The following SDK2 variants were observed in gnomAD, a reference collection of about 807,000 sequenced individuals.
The protein encoded by SDK2 is sidekick cell adhesion molecule 2, also known as protein sidekick-2.
A neutral mutation model predicts 253.9 loss-of-function variants in SDK2; 105 were observed. That is an observed-to-expected ratio of 0.41 (90% CI 0.35 to 0.49). SDK2 has a LOEUF of 0.49. SDK2 is among the 20% of genes least tolerant of loss of function. SDK2 has a pLI of 0.06. For missense variants in SDK2, 2,608 were observed against 3,003.0 expected, an observed-to-expected ratio of 0.87 and a Z score of 3.07; for synonymous variants, 1,249 against 1,234.9, an observed-to-expected ratio of 1.01 and a Z score of -0.24.
intron 36 of SDK2, among the ~76,000 whole-genome samples, chr17:73,376,688 G>A (rs897435112): frequency 2.6e-5 from 4 of 152,114 alleles, no homozygotes; most frequent in Admixed American, 2.6e-4. Context: ...CCACTTACAA[G>A]CCTCGACAGT....
intron 1 of SDK2, among the ~76,000 whole-genome samples, chr17:73,567,913 C>G (rs541980334): frequency 4.4e-4 from 67 of 152,320 alleles, no homozygotes; most frequent in African/African-American, 1.4e-3. Context: ...TGCCTTGAGT[C>G]TCAAATGAGA....
chr17:73,349,400 G>A (rs1335757713), intron 43 of SDK2, among the ~76,000 whole-genome samples: 5 of 152,200 alleles, frequency 3.3e-5, no homozygotes, highest in Admixed American at 6.5e-5. Context: ...CCTGACTGCC[G>A]CCTCCAATGA....
intron 39 of SDK2, 51 bp from the exon 40 acceptor site, chr17:73,358,255 C>T: frequency 1.3e-6 from 2 of 1,548,158 alleles, no homozygotes; most frequent in South Asian, 1.2e-5. Context: ...GAACAGCCAC[C>T]CAGCCCGTCA....
chr17:73,507,359 C>T (rs1159117123), intron 2 of SDK2, 79 bp downstream of exon 2: 2 of 1,427,980 alleles, frequency 1.4e-6, no homozygotes, highest in East Asian at 2.5e-5. Flanking sequence ...GTCACACAAA[C>T]CCCCTCCTCA....
intron 4 of SDK2, among the ~76,000 whole-genome samples, chr17:73,453,052 T>C (rs938997487): frequency 6.6e-6 from 1 of 152,230 alleles, no homozygotes; most frequent in Non-Finnish European, 1.5e-5. Context: ...TTCACCCTGC[T>C]CTGTATCCAC....
chr17:73,369,713 C>A (rs887308169), intron 36 of SDK2, among the ~76,000 whole-genome samples: 50 of 152,222 alleles, frequency 3.3e-4, no homozygotes, highest in African/African-American at 1.1e-3. Flanking sequence ...GGCTGGAGTG[C>A]TGTGGTGCGA....
intron 21 of SDK2, 142 bp downstream of exon 21, chr17:73,400,878 C>A (rs558116800): frequency 1.7e-5 from 13 of 768,328 alleles, no homozygotes; most frequent in South Asian, 1.3e-4. Context: ...GAACTCCTGA[C>A]CTCAAGTGAT....
intron 1 of SDK2, chr17:73,518,692 T>C (rs1166182937): frequency 6.6e-6 from 1 of 152,184 alleles, no homozygotes; most frequent in East Asian, 1.9e-4. Context: ...GGCCTAACGG[T>C]GCTAGTATCA....
intron 21 of SDK2, 96 bp downstream of exon 21, chr17:73,400,924 A>G (rs2063018853): frequency 8.2e-7 from 1 of 1,222,672 alleles, no homozygotes; most frequent in East Asian, 2.6e-5. Context: ...CTGGGACTAC[A>G]GGCATGAGCC....
rs1350836896 is a variant in SDK2, at chr17:73,431,284, A to C, written c.1480+218T>G. On this transcript the variant is annotated intron_variant, in intron 11 of 44. Coordinates refer to ENST00000392650, the MANE Select transcript of SDK2 (RefSeq NM_001144952.2). The surrounding 1 kb of genome is among the most constrained non-coding windows in gnomAD (Gnocchi z 5.6). Reference sequence around the variant, plus strand: ...ACTTCAATGTTCTCTCAAGTCGGCCAAGCATAGCATCACCGGCAGAATCTT... The same window carrying C: ...ACTTCAATGTTCTCTCAAGTCGGCCCAGCATAGCATCACCGGCAGAATCTT... 6.6e-6 allele frequency among the ~76,000 whole-genome samples: 1 copy of C among 152,196 alleles called. No individual in the cohort carries two copies. The highest frequency in any genetic ancestry group is 2.4e-5 in the African/African-American group (1 of 41,454).
chr17:73,379,593 T>G lies in SDK2; in HGVS notation c.4763-44A>C. Reference sequence around the variant, plus strand: ...GAGGGGAAGCACACTGAGGTCACCGTCATTGCTGGGAAGGTGTCCCCAGGG... The same window carrying G: ...GAGGGGAAGCACACTGAGGTCACCGGCATTGCTGGGAAGGTGTCCCCAGGG... On this transcript the variant is annotated intron_variant, in intron 34 of 44. Transcript: ENST00000392650. This position sits in a 1 kb window ranked among gnomAD's most constrained non-coding sequence, Gnocchi z 4.5. 8.0e-7 allele frequency: 1 copy of G among 1,252,768 alleles called. No homozygotes were observed. Among genetic ancestry groups the G allele is most frequent in the Non-Finnish European group, 1.1e-6 (1 of 871,364 alleles). 77.6% of individuals were successfully genotyped at this position (1,252,768 alleles called of 1,614,324 possible). A position where few individuals can be genotyped will look rare whatever the true frequency, so the allele number is the denominator to read the frequency against.
intron 14 of SDK2, 139 bp from the exon 15 acceptor site, chr17:73,422,573 G>T: frequency 1.1e-6 from 1 of 945,948 alleles, no homozygotes. Context: ...GGAGTGGCCC[G>T]CCATGCCATT....
At chr17:73,595,059 CTG>C (rs2045736096) in intron 1 of SDK2, among the ~76,000 whole-genome samples, 12 of 152,314 alleles carry the variant, frequency 7.9e-5, no homozygotes, top group East Asian at 7.7e-4. Flanking sequence ...AGACTTCGGC[CTG>C]TTTCTGTTGT....
intron 1 of SDK2, among the ~76,000 whole-genome samples, chr17:73,581,052 G>GT (rs55920887): frequency 0.16 from 23,816 of 148,850 alleles, 2,007 homozygotes; most frequent in East Asian, 0.32. Flanking sequence ...GTATTTTTTG[G>GT]TTTTTTTTTT....
Position 73,379,583 on chromosome 17 carries a change from G to C in SDK2, c.4763-34C>G. 1 of 1,343,948 alleles carries C rather than the reference G, an allele frequency of 7.4e-7. No homozygotes were observed. The highest frequency in any genetic ancestry group is 1.1e-6 in the Non-Finnish European group (1 of 947,324). The allele number at this position is 1,343,948 out of a possible 1,614,324, so 83.3% of individuals were successfully genotyped here. A position where few individuals can be genotyped will look rare whatever the true frequency, so the allele number is the denominator to read the frequency against. ...GAGAGTGGGGGAGGGGAAGCACACT[G>C]AGGTCACCGTCATTGCTGGGAAGGT... On this transcript the variant is annotated intron_variant, in intron 34 of 44. Transcript: ENST00000392650. The surrounding 1 kb of genome is among the most constrained non-coding windows in gnomAD (Gnocchi z 4.5).
At chr17:73,608,898 G>A (rs2045940261) in intron 1 of SDK2, among the ~76,000 whole-genome samples, 1 of 152,202 alleles carries the variant, frequency 6.6e-6, no homozygotes, top group Non-Finnish European at 1.5e-5. Context: ...AAAGATGATG[G>A]TGGCTGGCAC....
intron 40 of SDK2, chr17:73,357,355 G>C (rs1391302813): frequency 2.6e-5 from 4 of 153,432 alleles, no homozygotes; most frequent in Admixed American, 6.5e-5. Context: ...ATTTGGGCTA[G>C]AGCAACAAAA....
At position 73,387,987 on chromosome 17, in the gene SDK2, C is replaced by T. The variant is rs1162699017; in HGVS notation, c.4243G>A (p.Ala1415Thr). ...TCCCAGGACAGCAGCACGCTGCGTG[C>T]TCTCACATCCTCCTGCTGCACCATC... ...RPMVQQEDVRARSVLLSWEPG... is the reference protein window; with the variant it reads ...RPMVQQEDVRTRSVLLSWEPG... Residue 1415 changes from alanine to threonine, a missense_variant, in exon 30 of 45, where the codon GCA (alanine) becomes ACA (threonine). Physicochemically the swap from Ala to Thr is moderately conservative, Grantham distance 58 (BLOSUM62 0). Coordinates refer to ENST00000392650, the MANE Select transcript of SDK2 (RefSeq NM_001144952.2). 6.4e-7 allele frequency: 1 copy of T among 1,569,888 alleles called. No individual in the cohort carries two copies. The highest frequency in any genetic ancestry group is 1.2e-5 in the South Asian group (1 of 85,204).
At chr17:73,499,719 C>T (rs1357089370) in intron 2 of SDK2, among the ~76,000 whole-genome samples, 1 of 152,192 alleles carries the variant, frequency 6.6e-6, no homozygotes, top group African/African-American at 2.4e-5. Context: ...AAGTTTCTGA[C>T]CCTCTCTGAA....
Sources: gnomAD v4.1 joint callset for allele counts (sites outside exome capture counted in the v4.1 genomes callset) on GRCh38, gnomAD v4.1.1 for gene constraint, Gnocchi (gnomAD v3.1) non-coding constraint, MANE v1.5 for transcripts, NCBI Gene and HGNC (gene_info 2026-07-23, HGNC 2026-07-21) for gene names.